The following UFL1 variants were observed in gnomAD, a reference collection of about 807,000 sequenced individuals.
UFL1 encodes the protein UFM1 specific ligase 1.
Under a neutral mutation model 99.3 loss-of-function variants are expected in UFL1, and 78 were observed. That is an observed-to-expected ratio of 0.79 (90% confidence interval 0.65 to 0.95). The LOEUF (loss-of-function observed/expected upper bound fraction) is 0.95, where lower values mean the gene tolerates loss of function less well. Ranked by LOEUF, UFL1 falls within the 40% of genes least tolerant of loss-of-function variation. UFL1 has a pLI of 0.00. For synonymous variants in UFL1, 335 were observed against 322.2 expected (o/e 1.04, Z -0.42); for missense variants, 936 against 937.0 (o/e 1.00, Z 0.01).
chr6:96,523,476 A>G (rs192277414), intron 2 of UFL1, among the ~76,000 whole-genome samples, 185 bp downstream of exon 2: 6 of 152,320 alleles, frequency 3.9e-5, no homozygotes, highest in Admixed American at 2.0e-4. Flanking sequence ...CATATAATTT[A>G]AATGAACTCA....
intron 12 of UFL1, among the ~76,000 whole-genome samples, chr6:96,546,760 T>C (rs778442054): frequency 2.6e-5 from 4 of 151,462 alleles, no homozygotes; most frequent in Non-Finnish European, 5.9e-5. Flanking sequence ...AAATAAACAA[T>C]GGGGAAAGGA....
At chr6:96,527,074 T>C (rs552284201) in intron 5 of UFL1, among the ~76,000 whole-genome samples, 370 of 152,330 alleles carry the variant, frequency 2.4e-3, no homozygotes, top group Non-Finnish European at 4.4e-3. Flanking sequence ...TCAAATATCT[T>C]ATGTGTGATA....
Position 96,549,727 on chromosome 6 carries a change from T to G in UFL1, c.1746T>G (p.Thr582=). ...TGAAGTCAGTGTGTACTGATATCAC[T>G]AACCTCATTTTCAACTTCTTAGCTT... ...HLLKSVCTDI[T]NLIFNFLASD... is the part of the protein sequence containing the mutation. Residue 582 remains threonine (T), a synonymous_variant, in exon 15 of 19, where the codon ACT becomes ACG. Transcript: ENST00000369278. The G allele has an allele frequency of 6.2e-7, 1 of 1,612,464 alleles. No homozygotes were observed. The highest frequency in any genetic ancestry group is 8.5e-7 in the Non-Finnish European group (1 of 1,178,878).
chr6:96,529,092 T>C (rs1252152834), intron 6 of UFL1, among the ~76,000 whole-genome samples: 1 of 152,226 alleles, frequency 6.6e-6, no homozygotes, highest in Non-Finnish European at 1.5e-5. Context: ...TTTTACTTTC[T>C]AGCATTCTGT....
chr6:96,545,381 A>G (rs1769985421), intron 12 of UFL1, among the ~76,000 whole-genome samples: 1 of 151,020 alleles, frequency 6.6e-6, no homozygotes, highest in Non-Finnish European at 1.5e-5. Flanking sequence ...GTTAGCTATT[A>G]TTTTCATTAC....
intron 7 of UFL1, 65 bp downstream of exon 7, chr6:96,534,386 C>G (rs1769825117): frequency 8.2e-7 from 1 of 1,224,788 alleles, no homozygotes; most frequent in Admixed American, 2.7e-5. Flanking sequence ...GTAAAACTTA[C>G]TAACTTTAAT....
At chr6:96,533,318 A>G (rs1038392418) in intron 6 of UFL1, among the ~76,000 whole-genome samples, 3 of 152,130 alleles carry the variant, frequency 2.0e-5, no homozygotes, top group Non-Finnish European at 2.9e-5. Context: ...TCATAGGAGC[A>G]TTATCCACAG....
At chr6:96,526,494 T>A in intron 5 of UFL1, 59 bp downstream of exon 5, 4 of 1,388,124 alleles carry the variant, frequency 2.9e-6, no homozygotes, top group Non-Finnish European at 3.0e-6. Context: ...AAACGAAGAC[T>A]TTGAATGGAA....
chr6:96,551,706 C>G (rs1423590717), intron 16 of UFL1, 132 bp from the exon 17 acceptor site: 1 of 744,696 alleles, frequency 1.3e-6, no homozygotes, highest in Non-Finnish European at 2.1e-6. Context: ...ATCACAATTT[C>G]TAACTTAATG....
At chr6:96,552,765 T>G in intron 18 of UFL1, 103 bp downstream of exon 18, 2 of 1,069,410 alleles carry the variant, frequency 1.9e-6, no homozygotes, top group Non-Finnish European at 2.6e-6. Flanking sequence ...TAAAATACAT[T>G]AACATCAAAG....
chr6:96,528,629 C>T lies in UFL1; in HGVS notation c.593C>T (p.Thr198Ile). Residue 198 changes from threonine (T) to isoleucine (I), a missense_variant, in exon 6 of 19, where the codon ACC (threonine) becomes ATC (isoleucine). Transcript: ENST00000369278. ...ARIRGLFSAI[T>I]RPTAVNSLIS... ...ATCCGTGGACTATTCAGTGCTATTA[C>T]CCGGTAAGTATATTTTAAAGTATAT... The T allele has an allele frequency of 6.2e-7, 1 of 1,610,788 alleles. No homozygotes were observed. The highest frequency in any genetic ancestry group is 1.7e-5 in the Admixed American group (1 of 59,420).
intron 8 of UFL1, 145 bp downstream of exon 8, chr6:96,536,535 C>T (rs1769856930): frequency 2.0e-6 from 1 of 492,054 alleles, no homozygotes; most frequent in African/African-American, 2.0e-5. Context: ...AATGGGAACC[C>T]TAGAGTTTAC....
intron 5 of UFL1, among the ~76,000 whole-genome samples, chr6:96,526,818 A>G (rs565323176): frequency 6.6e-6 from 1 of 152,212 alleles, no homozygotes. Context: ...TTAAATTTTA[A>G]GAAATAATTG....
At position 96,549,710 on chromosome 6, in the gene UFL1, G is replaced by T. The variant is rs192322616; in HGVS notation, c.1729G>T (p.Val577Leu). The change falls in exon 15 of 19, where the codon GTG becomes TTG. Residue 577 changes from valine to leucine, a missense_variant. Val to Leu is a conservative substitution (Grantham distance 32, BLOSUM62 1). Coordinates refer to ENST00000369278, the MANE Select transcript of UFL1 (RefSeq NM_015323.5). ...TCTTACCAAACACTTGCTGAAGTCA[G>T]TGTGTACTGATATCACTAACCTCAT... ...AALTKHLLKSVCTDITNLIFN... is the reference protein window; with the variant it reads ...AALTKHLLKSLCTDITNLIFN... The T allele has an allele frequency of 2.5e-6, 4 of 1,612,316 alleles. No homozygotes were observed. Among genetic ancestry groups the T allele is most frequent in the Admixed American group, 3.3e-5 (2 of 59,842 alleles).
chr6:96,528,016 T>A lies in UFL1; in HGVS notation c.466-486T>A, dbSNP rs1027618784. On this transcript the variant is annotated intron_variant, in intron 5 of 18. Transcript: ENST00000369278. Reference sequence around the variant, plus strand: ...ATAGATCTTCTGGACGGGGATAAATTTGCATTAGAGAGGAAAGCTTTTGAG... The same window carrying A: ...ATAGATCTTCTGGACGGGGATAAATATGCATTAGAGAGGAAAGCTTTTGAG... Among the ~76,000 whole-genome samples the A allele has an allele frequency of 4.6e-5, 7 of 152,142 alleles. 1 individual carries two copies. Among genetic ancestry groups the A allele is most frequent in the Admixed American group, 1.3e-4 (2 of 15,278 alleles).
chr6:96,549,743 T>C lies in UFL1; in HGVS notation c.1762T>C (p.Phe588Leu), dbSNP rs943606526. The C allele has an allele frequency of 6.2e-7, 1 of 1,612,194 alleles. No individual in the cohort carries two copies. The highest frequency in any genetic ancestry group is 2.2e-5 in the East Asian group (1 of 44,824). The change falls in exon 15 of 19, where the codon TTC becomes CTC. Residue 588 changes from phenylalanine to leucine, a missense_variant. Coordinates refer to ENST00000369278, the MANE Select transcript of UFL1 (RefSeq NM_015323.5). ...CTDITNLIFN[F>L]LASDLMMAVD... Reference sequence around the variant, plus strand: ...TGATATCACTAACCTCATTTTCAACTTCTTAGCTTCGGATTTAATGATGGC... The same window carrying C: ...TGATATCACTAACCTCATTTTCAACCTCTTAGCTTCGGATTTAATGATGGC...
chr6:96,538,878 T>C, intron 10 of UFL1, 68 bp downstream of exon 10: 1 of 1,362,546 alleles, frequency 7.3e-7, no homozygotes, highest in Non-Finnish European at 9.9e-7. Flanking sequence ...CTGATGTCTT[T>C]TGAAAAAGGG....
At chr6:96,545,185 A>T (rs1259868941) in intron 12 of UFL1, among the ~76,000 whole-genome samples, 1 of 151,088 alleles carries the variant, frequency 6.6e-6, no homozygotes, top group East Asian at 1.9e-4. Context: ...TTTTATTTAT[A>T]GTGAAAATTG....
intron 15 of UFL1, 141 bp downstream of exon 15, chr6:96,549,940 C>A: frequency 8.8e-7 from 1 of 1,135,178 alleles, no homozygotes; most frequent in Non-Finnish European, 1.2e-6. Context: ...GTTTTTTATT[C>A]AACTTTAGTA....
Sources: allele counts gnomAD v4.1 joint callset (sites outside exome capture counted in the v4.1 genomes callset), GRCh38; gene constraint gnomAD v4.1.1; transcripts MANE v1.5; gene names NCBI Gene and HGNC (gene_info 2026-07-23, HGNC 2026-07-21).